MAN2A1: variants seen among roughly 807,000 people sequenced by gnomAD.
MAN2A1 encodes the protein mannosidase alpha class 2A member 1.
A neutral mutation model predicts 142.6 loss-of-function variants in MAN2A1; 76 were observed. The observed-to-expected ratio is 0.53, with a 90% CI of 0.44 to 0.65. MAN2A1 has a LOEUF of 0.65. Among genes scored for constraint, MAN2A1 ranks in the 30% least tolerant of loss-of-function variants. The pLI, the probability that MAN2A1 is intolerant of heterozygous loss-of-function variation, is 0.00. For synonymous variants in MAN2A1, 559 were observed against 473.2 expected (o/e 1.18, Z -2.35); for missense variants, 1,311 against 1,365.1 (o/e 0.96, Z 0.62).
chr5:109,724,531 T>G (rs1477886189), intron 3 of MAN2A1, among the ~76,000 whole-genome samples: 1 of 152,218 alleles, frequency 6.6e-6, no homozygotes, highest in Admixed American at 6.5e-5. Flanking sequence ...AAAAAAATCT[T>G]GAGGCTTAAG....
intron 19 of MAN2A1, among the ~76,000 whole-genome samples, chr5:109,852,376 CAA>C (rs1755506392): frequency 6.6e-6 from 1 of 152,102 alleles, no homozygotes; most frequent in Non-Finnish European, 1.5e-5. Context: ...AGATTTACTT[CAA>C]CAGACATTTA....
At chr5:109,857,399 G>A (rs1437829057) in intron 20 of MAN2A1, among the ~76,000 whole-genome samples, 1 of 152,194 alleles carries the variant, frequency 6.6e-6, no homozygotes, top group Non-Finnish European at 1.5e-5. Flanking sequence ...AAAGAATAGA[G>A]TGGAGGGCAT....
At chr5:109,839,833 A>C (rs1225916983) in intron 16 of MAN2A1, among the ~76,000 whole-genome samples, 2 of 152,048 alleles carry the variant, frequency 1.3e-5, no homozygotes, top group Non-Finnish European at 2.9e-5. Context: ...GCTTCAGCCC[A>C]TTTAAGTGTT....
At chr5:109,730,775 A>G (rs543642517) in intron 4 of MAN2A1, among the ~76,000 whole-genome samples, 1 of 152,310 alleles carries the variant, frequency 6.6e-6, no homozygotes, top group South Asian at 2.1e-4. Context: ...TGTTTTACAC[A>G]TAAGGACACT....
chr5:109,811,604 GTGTC>G (rs1180988334), intron 12 of MAN2A1, among the ~76,000 whole-genome samples: 6 of 150,974 alleles, frequency 4.0e-5, no homozygotes, highest in African/African-American at 1.2e-4. Context: ...GTGTGTGTGT[GTGTC>G]TGTGTCTGTG....
chr5:109,695,216 G>GT (rs578081946), intron 1 of MAN2A1, among the ~76,000 whole-genome samples: 4 of 152,044 alleles, frequency 2.6e-5, no homozygotes, highest in Non-Finnish European at 5.9e-5. Flanking sequence ...TTTATGTTTT[G>GT]TTTTTTGTTT....
intron 1 of MAN2A1, among the ~76,000 whole-genome samples, chr5:109,710,661 C>T (rs1453636288): frequency 6.6e-6 from 1 of 151,946 alleles, no homozygotes; most frequent in Non-Finnish European, 1.5e-5. Context: ...CATGCCACCA[C>T]ACCCAGCTAA....
chr5:109,859,340 A>G (rs1755699303), intron 20 of MAN2A1, among the ~76,000 whole-genome samples: 1 of 152,210 alleles, frequency 6.6e-6, no homozygotes, highest in South Asian at 2.1e-4. Context: ...TTGCTTTTAG[A>G]CAGACATATC....
chr5:109,709,263 G>A (rs1751229162), intron 1 of MAN2A1, among the ~76,000 whole-genome samples: 3 of 152,296 alleles, frequency 2.0e-5, no homozygotes, highest in Middle Eastern at 6.8e-3. Context: ...TTTTACCTAT[G>A]AGAATGGCAT....
In MAN2A1 at chr5:109,781,607, A is replaced by G. The variant is rs1004529802; in HGVS notation, c.1577+9A>G. ...ATGGAATCTCATTTAAGGTACTTTT[A>G]CCTTTCTATAGCTACATGTATTTTT... On this transcript the variant is annotated intron_variant, in intron 9 of 21. Transcript: ENST00000261483. 4.5e-6 allele frequency: 7 copies of G among 1,556,654 alleles called. No individual in the cohort carries two copies. The highest frequency in any genetic ancestry group is 5.2e-6 in the Non-Finnish European group (6 of 1,149,634).
chr5:109,784,602 C>G (rs1390540644), intron 9 of MAN2A1, 142 bp from the exon 10 acceptor site: 1 of 594,330 alleles, frequency 1.7e-6, no homozygotes, highest in Non-Finnish European at 2.9e-6. Flanking sequence ...TTTATATGAA[C>G]TATTATTACC....
At chr5:109,826,505 A>G (rs1580292956) in intron 16 of MAN2A1, among the ~76,000 whole-genome samples, 2 of 152,078 alleles carry the variant, frequency 1.3e-5, no homozygotes. Flanking sequence ...TCCAAACTAT[A>G]TACCTTCCCG....
intron 8 of MAN2A1, among the ~76,000 whole-genome samples, 191 bp downstream of exon 8, chr5:109,775,156 G>A (rs114869329): frequency 2.6e-4 from 40 of 152,190 alleles, no homozygotes; most frequent in Admixed American, 9.2e-4. Flanking sequence ...AAGTTGTCCC[G>A]TTCCTAACAC....
chr5:109,820,442 T>A lies in MAN2A1; in HGVS notation c.2451+100T>A. The A allele has an allele frequency of 2.5e-6, 3 of 1,189,886 alleles. No homozygotes were observed. The South Asian group carries it at 4.7e-5, about 19-fold the overall frequency. The allele number at this position is 1,189,886 out of a possible 1,614,324, so 73.7% of individuals were successfully genotyped here. A position where few individuals can be genotyped will look rare whatever the true frequency, so the allele number is the denominator to read the frequency against. ...GTCATTATTTTATCATCTGTTGATT[T>A]ATTAGGGATAGATGAACTTTTGGTT... On this transcript the variant is annotated intron_variant, in intron 15 of 21. Transcript: ENST00000261483.
At chr5:109,709,110 TC>T (rs1751222848) in intron 1 of MAN2A1, among the ~76,000 whole-genome samples, 1 of 152,220 alleles carries the variant, frequency 6.6e-6, no homozygotes, top group Non-Finnish European at 1.5e-5. Flanking sequence ...TATTCATTAA[TC>T]TAGTCAAGTT....
chr5:109,806,803 A>T (rs1274580314), intron 12 of MAN2A1, among the ~76,000 whole-genome samples: 3 of 152,224 alleles, frequency 2.0e-5, no homozygotes, highest in Non-Finnish European at 4.4e-5. Context: ...TTGATCACAC[A>T]TGCAGCATGC....
intron 5 of MAN2A1, among the ~76,000 whole-genome samples, chr5:109,756,297 G>A (rs1207664495): frequency 6.6e-6 from 1 of 152,040 alleles, no homozygotes; most frequent in African/African-American, 2.4e-5. Flanking sequence ...AAAAACTTGG[G>A]ACTAATAGAA....
chr5:109,775,479 C>CT (rs10713345), intron 8 of MAN2A1, among the ~76,000 whole-genome samples: 7 of 149,538 alleles, frequency 4.7e-5, no homozygotes, highest in Non-Finnish European at 7.4e-5. Flanking sequence ...GGTTCTTACT[C>CT]TTTTTTTTTT....
At chr5:109,789,609 G>C (rs917533650) in intron 12 of MAN2A1, 82 bp downstream of exon 12, 1 of 907,754 alleles carries the variant, frequency 1.1e-6, no homozygotes, top group East Asian at 2.8e-5. Context: ...TTTAGTTAGC[G>C]TATATTTTGA....
Sources: allele counts gnomAD v4.1 joint callset (sites outside exome capture counted in the v4.1 genomes callset), GRCh38; gene constraint gnomAD v4.1.1; transcripts MANE v1.5; gene names NCBI Gene and HGNC (gene_info 2026-07-23, HGNC 2026-07-21).